Variants in GPHN observed in about 807,000 individuals in gnomAD.
GPHN encodes gephyrin.
In GPHN, 17 loss-of-function variants were observed where a neutral mutation model predicts 95.5. That is an observed-to-expected ratio of 0.18 (90% confidence interval 0.12 to 0.27). The LOEUF (loss-of-function observed/expected upper bound fraction) is 0.27, where lower values mean the gene tolerates loss of function less well. GPHN is among the 10% of genes least tolerant of loss of function. The pLI is 1.00. For missense variants in GPHN, 660 were observed against 978.1 expected (o/e 0.67, Z 4.34); for synonymous variants, 320 against 322.5 (o/e 0.99, Z 0.08).
the GPHN span, among the ~76,000 whole-genome samples, chr14:67,311,446 CA>C: frequency 6.6e-6 from 1 of 152,024 alleles, no homozygotes; most frequent in Admixed American, 6.6e-5. Context: ...CAGAAATGCT[CA>C]CTGCAAATAT....
chr14:67,352,874 T>G, the GPHN span: 1 of 1,272,506 alleles, frequency 7.9e-7, no homozygotes, highest in Non-Finnish European at 1.1e-6. Flanking sequence ...CCAAGGGCCA[T>G]GCTGGATTTT....
At chr14:67,603,764 G>A in the GPHN span, among the ~76,000 whole-genome samples, 6 of 152,148 alleles carry the variant, frequency 3.9e-5, no homozygotes, top group Admixed American at 1.3e-4. Context: ...CACAACCTCC[G>A]CATTCCAGGT....
chr14:66,931,266 T>C (rs2066778069), intron 8 of GPHN, among the ~76,000 whole-genome samples: 1 of 152,214 alleles, frequency 6.6e-6, no homozygotes, highest in Non-Finnish European at 1.5e-5. Context: ...CTCTTGATGC[T>C]TTTAGGATCC....
chr14:67,690,832 G>C, the GPHN span: 2 of 385,658 alleles, frequency 5.2e-6, no homozygotes, highest in African/African-American at 4.1e-5. Flanking sequence ...AAAAAGAGCA[G>C]ATGACCTATA....
At chr14:66,555,572 C>T (rs2059978012) in intron 1 of GPHN, among the ~76,000 whole-genome samples, 1 of 152,018 alleles carries the variant, frequency 6.6e-6, no homozygotes. Context: ...CATTTTTATA[C>T]TGATGGTACT....
At chr14:66,746,144 TG>T (rs2048102659) in intron 2 of GPHN, among the ~76,000 whole-genome samples, 1 of 152,190 alleles carries the variant, frequency 6.6e-6, no homozygotes, top group Non-Finnish European at 1.5e-5. Flanking sequence ...TGTTAATATT[TG>T]TATATAAGTT....
the GPHN span, among the ~76,000 whole-genome samples, chr14:67,285,325 A>C: frequency 1.2e-4 from 18 of 152,240 alleles, no homozygotes; most frequent in African/African-American, 3.4e-4. Flanking sequence ...GTAATATATA[A>C]AAATAAATGA....
At chr14:67,537,382 A>AATAATAAT in the GPHN span, among the ~76,000 whole-genome samples, 130 of 93,448 alleles carry the variant, frequency 1.4e-3, 3 homozygotes, top group South Asian at 6.6e-3. Flanking sequence ...ATAATAATAA[A>AATAATAAT]AACTTAATCT....
intron 1 of GPHN, among the ~76,000 whole-genome samples, chr14:66,521,242 A>C (rs1013329722): frequency 3.9e-5 from 6 of 152,124 alleles, no homozygotes; most frequent in African/African-American, 1.4e-4. Context: ...TTGCTGGGTT[A>C]AATGGTGGTC....
chr14:67,280,880 CCTTTTCTTTCTT>C, the GPHN span, among the ~76,000 whole-genome samples: 1 of 134,072 alleles, frequency 7.5e-6, no homozygotes, highest in African/African-American at 2.8e-5. Flanking sequence ...TCCCTCCCTC[CCTTTTCTTTCTT>C]TTCTTTCTTT....
the GPHN span, among the ~76,000 whole-genome samples, chr14:67,557,575 C>G: frequency 6.6e-6 from 1 of 152,248 alleles, no homozygotes; most frequent in African/African-American, 2.4e-5. Flanking sequence ...ATAGGAAGGA[C>G]TGTTCCTCCC....
intron 2 of GPHN, among the ~76,000 whole-genome samples, chr14:66,753,084 T>C (rs1010557294): frequency 6.6e-6 from 1 of 152,072 alleles, no homozygotes; most frequent in Admixed American, 6.6e-5. Context: ...TTGGCCCTGA[T>C]TTTCAACCAT....
At chr14:66,861,700 A>G (rs910702099) in intron 4 of GPHN, among the ~76,000 whole-genome samples, 4 of 152,132 alleles carry the variant, frequency 2.6e-5, no homozygotes, top group African/African-American at 9.6e-5. Context: ...GAATGTTGGA[A>G]ACTATACAAA....
At chr14:67,144,717 T>G (rs1331949392) in intron 18 of GPHN, among the ~76,000 whole-genome samples, 1 of 152,220 alleles carries the variant, frequency 6.6e-6, no homozygotes, top group Non-Finnish European at 1.5e-5. Flanking sequence ...CCTAAATTTA[T>G]AACCTGACTC....
At chr14:66,940,922 A>C (rs567183649) in intron 8 of GPHN, among the ~76,000 whole-genome samples, 1 of 152,288 alleles carries the variant, frequency 6.6e-6, no homozygotes, top group East Asian at 1.9e-4. Context: ...ACTGTTGGCT[A>C]TATTCATGCT....
chr14:67,101,941 G>A (rs533995830), intron 13 of GPHN, among the ~76,000 whole-genome samples: 22 of 151,578 alleles, frequency 1.5e-4, no homozygotes, highest in African/African-American at 4.6e-4. Context: ...GCGCGATCTC[G>A]GCTCACTGCA....
intron 10 of GPHN, among the ~76,000 whole-genome samples, 198 bp from the exon 11 acceptor site, chr14:67,058,451 A>G (rs996770799): frequency 1.3e-5 from 2 of 152,250 alleles, no homozygotes; most frequent in Non-Finnish European, 2.9e-5. Flanking sequence ...CTGGGTTTTG[A>G]CACATGATGT....
At chr14:66,569,344 CTT>C (rs1486215267) in intron 1 of GPHN, among the ~76,000 whole-genome samples, 2 of 152,128 alleles carry the variant, frequency 1.3e-5, no homozygotes, top group Non-Finnish European at 2.9e-5. Flanking sequence ...TACCCTTCCT[CTT>C]TAACACACAC....
intron 1 of GPHN, among the ~76,000 whole-genome samples, chr14:66,533,762 AT>A (rs1255323719): frequency 6.6e-6 from 1 of 152,238 alleles, no homozygotes; most frequent in Non-Finnish European, 1.5e-5. Context: ...GATTTTAGCC[AT>A]CTTAAATTGG....
Sources: allele counts gnomAD v4.1 joint callset (sites outside exome capture counted in the v4.1 genomes callset), GRCh38; gene constraint gnomAD v4.1.1; transcripts MANE v1.5; gene names NCBI Gene and HGNC (gene_info 2026-07-23, HGNC 2026-07-21).